UPP2: variants seen among roughly 807,000 people sequenced by gnomAD.
UPP2 encodes uridine phosphorylase 2, also known as UPase 2.
Under a neutral mutation model 26.7 loss-of-function variants are expected in UPP2, and 23 were observed. The ratio of observed to expected loss-of-function variants is 0.86; its 90% CI spans 0.62 to 1.22. The LOEUF is 1.22. Ranked by LOEUF, UPP2 falls within the 50% of genes most tolerant of loss-of-function variation. The pLI is 0.00. For synonymous variants in UPP2, 127 were observed against 141.3 expected (o/e 0.90, Z 0.72); for missense variants, 387 against 396.7 (o/e 0.98, Z 0.21).
At chr2:158,046,257 T>C (rs1684151200) in intron 3 of UPP2, among the ~76,000 whole-genome samples, 1 of 152,214 alleles carries the variant, frequency 6.6e-6, no homozygotes, top group Non-Finnish European at 1.5e-5. Flanking sequence ...AATAAATGTA[T>C]AACCTCATCG....
At chr2:158,074,337 C>T (rs965699924) in intron 3 of UPP2, among the ~76,000 whole-genome samples, 4 of 151,964 alleles carry the variant, frequency 2.6e-5, no homozygotes, top group African/African-American at 7.3e-5. Context: ...AATGGTGAAC[C>T]AGTGAAAAAT....
At chr2:158,059,003 A>G (rs538814455) in intron 3 of UPP2, among the ~76,000 whole-genome samples, 1 of 152,304 alleles carries the variant, frequency 6.6e-6, no homozygotes, top group East Asian at 1.9e-4. Flanking sequence ...TATGAAGAGG[A>G]CAAGCACAGA....
At chr2:158,097,753 CATTTTGACAGAATTGTGGAGGGAAACA>C (rs1417846068), upstream of UPP2, among the ~76,000 whole-genome samples, 1 of 152,114 alleles carries the variant, frequency 6.6e-6, no homozygotes, top group Non-Finnish European at 1.5e-5. Flanking sequence ...AACAGCAGTG[CATTTTGACAGAATTGTGGAGGGAAACA>C]CCCTCCAAAA....
chr2:158,093,518 TCTC>T (rs1260975303), intron 3 of UPP2, among the ~76,000 whole-genome samples: 2 of 151,674 alleles, frequency 1.3e-5, no homozygotes, highest in African/African-American at 4.8e-5. Context: ...TATATAAAAA[TCTC>T]CTACAAATTA....
intron 3 of UPP2, among the ~76,000 whole-genome samples, chr2:158,057,782 A>G (rs1001918969): frequency 6.7e-6 from 1 of 149,542 alleles, no homozygotes; most frequent in African/African-American, 2.5e-5. Flanking sequence ...AGGATGCTGT[A>G]GTAGTTTTCT....
At chr2:158,127,884 C>A in intron 6 of UPP2, 2 of 495,260 alleles carry the variant, frequency 4.0e-6, no homozygotes, top group Non-Finnish European at 5.2e-6. Context: ...TAAACCTGTT[C>A]AATGGAAGCA....
chr2:158,065,462 A>G (rs1212386363), intron 3 of UPP2: 1 of 283,916 alleles, frequency 3.5e-6, no homozygotes, highest in African/African-American at 2.3e-5. Context: ...ATTGAAGTAG[A>G]CTTCAGTTTC....
upstream of UPP2, among the ~76,000 whole-genome samples, chr2:158,099,937 T>C (rs957875023): frequency 4.6e-5 from 7 of 152,202 alleles, no homozygotes; most frequent in Admixed American, 4.6e-4. Context: ...ACAGCCTTTG[T>C]TTGCAAATTA....
rs369374897 is a variant in UPP2, at chr2:158,090,312, T to C, written c.148-11728T>C. On this transcript the variant is annotated intron_variant, in intron 3 of 9. Coordinates refer to the UPP2 transcript ENST00000605860. ...GGTCGGGGATCTAGACCATCCTGGC[T>C]AACACGGTGAAACCCTGTCTCTACT... Among the ~76,000 whole-genome samples, 143 of 152,166 alleles carry C rather than the reference T, an allele frequency of 9.4e-4. 4 individuals carry two copies. In the South Asian group the frequency reaches 0.024, roughly 26 times the overall value.
At chr2:158,017,256 T>G (rs1018984980) in intron 3 of UPP2, among the ~76,000 whole-genome samples, 2 of 152,178 alleles carry the variant, frequency 1.3e-5, no homozygotes, top group Non-Finnish European at 2.9e-5. Flanking sequence ...GTTGTAAAAC[T>G]TTTATGGAGT....
chr2:158,123,632 G>T (rs977793391), intron 5 of UPP2, 117 bp from the exon 6 acceptor site: 1 of 1,220,678 alleles, frequency 8.2e-7, no homozygotes, highest in Non-Finnish European at 1.1e-6. Context: ...CCTACACGGG[G>T]AGCACGCTGT....
chr2:158,049,890 AC>A (rs1318970789), intron 3 of UPP2, among the ~76,000 whole-genome samples: 1 of 152,218 alleles, frequency 6.6e-6, no homozygotes, highest in Non-Finnish European at 1.5e-5. Flanking sequence ...ACAATTTTTC[AC>A]TTGGAAAAGA....
chr2:158,126,307 T>A (rs1359669690), intron 6 of UPP2: 4 of 152,346 alleles, frequency 2.6e-5, no homozygotes, highest in Non-Finnish European at 5.9e-5. Context: ...TGCTGGTAGC[T>A]GATTTCCGCC....
chr2:158,031,685 C>A (rs1036614401), intron 3 of UPP2, among the ~76,000 whole-genome samples: 4 of 152,188 alleles, frequency 2.6e-5, no homozygotes, highest in Admixed American at 2.0e-4. Context: ...GATACATGAA[C>A]TTCTTTGTAT....
Position 158,078,569 on chromosome 2 carries a change from T to C in UPP2, c.148-23471T>C, listed in dbSNP as rs536852006. On this transcript the variant is annotated intron_variant, in intron 3 of 9. Transcript: ENST00000605860. ...TCACACTTCACTTATTTGTGGGAGA[T>C]ACAAATGAAAACGATTGTATTTGTG... Among the ~76,000 whole-genome samples, 15 of 152,258 alleles carry C rather than the reference T, an allele frequency of 9.9e-5. 1 individual carries two copies. The South Asian group carries it at 3.1e-3, about 32-fold the overall frequency.
intron 3 of UPP2, among the ~76,000 whole-genome samples, chr2:158,083,127 C>A (rs567841791): frequency 5.3e-5 from 8 of 152,260 alleles, no homozygotes; most frequent in African/African-American, 1.9e-4. Context: ...ATTAGTTCAA[C>A]CATTGTGGAA....
chr2:158,008,200 A>T (rs1448482651), intron 2 of UPP2, among the ~76,000 whole-genome samples: 1 of 152,212 alleles, frequency 6.6e-6, no homozygotes, highest in African/African-American at 2.4e-5. Context: ...TTTGCTTATA[A>T]ATATATTCGT....
intron 3 of UPP2, among the ~76,000 whole-genome samples, chr2:158,033,783 G>T (rs1353291925): frequency 6.6e-6 from 1 of 152,160 alleles, no homozygotes; most frequent in African/African-American, 2.4e-5. Flanking sequence ...AGATTCACTG[G>T]ACTTTAGCAC....
rs754373445 is a variant in UPP2, at chr2:157,995,206, C to A, written c.8C>A (p.Ala3Asp). 9 of 1,613,546 alleles carry A rather than the reference C, an allele frequency of 5.6e-6. No homozygotes were observed. In the Admixed American group the frequency reaches 6.7e-5, roughly 12 times the overall value. ...GACTTCACCAGTGCTGCCATGCTGG[C>A]CCCAGGCTGTGAGTTGGACCCAGAC... Residue 3 changes from alanine (A) to aspartate (D), a missense_variant, in exon 2 of 10, where the codon GCC becomes GAC. Ala to Asp is a moderately radical substitution (Grantham distance 126). Transcript: ENST00000605860.
Sources: allele counts gnomAD v4.1 joint callset (sites outside exome capture counted in the v4.1 genomes callset), GRCh38; gene constraint gnomAD v4.1.1; transcripts MANE v1.5; gene names NCBI Gene and HGNC (gene_info 2026-07-23, HGNC 2026-07-21).